The following SGCZ variants were observed in gnomAD, a reference collection of about 807,000 sequenced individuals.
SGCZ encodes the protein zeta-sarcoglycan.
In SGCZ, 40 loss-of-function variants were observed where a neutral mutation model predicts 41.3. The ratio of observed to expected loss-of-function variants is 0.97; its 90% CI spans 0.75 to 1.26. SGCZ has a LOEUF of 1.26. Ranked by LOEUF, SGCZ falls within the 50% of genes most tolerant of loss-of-function variation. The probability of loss-of-function intolerance (pLI) is 0.00; values close to 1 mark genes in which losing one functional copy is unlikely to be tolerated. For missense variants in SGCZ, 552 were observed against 369.8 expected (o/e 1.49, Z -4.04); for synonymous variants, 206 against 137.5 (o/e 1.50, Z -3.49).
At chr8:14,605,217 C>T (rs536093931) in intron 1 of SGCZ, among the ~76,000 whole-genome samples, 3 of 152,128 alleles carry the variant, frequency 2.0e-5, no homozygotes, top group Admixed American at 1.3e-4. Context: ...TTAAAAATTA[C>T]GTCTAGTACA....
chr8:14,671,090 G>A (rs1195949530), intron 1 of SGCZ, among the ~76,000 whole-genome samples: 4 of 152,174 alleles, frequency 2.6e-5, no homozygotes, highest in Non-Finnish European at 1.5e-5. Flanking sequence ...CAGTGTCTCT[G>A]GATTTATATA....
chr8:15,230,449 T>C (rs1801907955), intron 1 of SGCZ, among the ~76,000 whole-genome samples: 1 of 152,208 alleles, frequency 6.6e-6, no homozygotes, highest in African/African-American at 2.4e-5. Context: ...TTTCACTTGA[T>C]TTTTCTGAGT....
intron 1 of SGCZ, among the ~76,000 whole-genome samples, chr8:14,775,131 C>T (rs2130411612): frequency 2.0e-5 from 3 of 152,280 alleles, no homozygotes; most frequent in Middle Eastern, 3.4e-3. Context: ...CTAGTTACAA[C>T]TTCAGCTAGG....
intron 1 of SGCZ, among the ~76,000 whole-genome samples, chr8:14,729,949 G>C (rs568523407): frequency 6.6e-6 from 1 of 152,220 alleles, no homozygotes; most frequent in Admixed American, 6.5e-5. Context: ...GCCGGGCATG[G>C]TAGGACAGTC....
chr8:14,995,123 G>T (rs1327968883), intron 1 of SGCZ, among the ~76,000 whole-genome samples: 1 of 152,242 alleles, frequency 6.6e-6, no homozygotes, highest in Non-Finnish European at 1.5e-5. Context: ...TAAAGGGAGT[G>T]CCATCAGAGG....
intron 1 of SGCZ, among the ~76,000 whole-genome samples, chr8:14,656,653 C>T (rs1296024859): frequency 6.7e-6 from 1 of 149,624 alleles, no homozygotes; most frequent in Non-Finnish European, 1.5e-5. Context: ...CCTCTCCTTT[C>T]ATTTCCCTTT....
chr8:15,094,401 C>T (rs1806259989), intron 1 of SGCZ, among the ~76,000 whole-genome samples: 1 of 152,140 alleles, frequency 6.6e-6, no homozygotes, highest in African/African-American at 2.4e-5. Context: ...TCCCAAAGTG[C>T]TGGAGTTACA....
At chr8:14,205,245 T>C (rs551876391) in intron 4 of SGCZ, among the ~76,000 whole-genome samples, 3 of 152,202 alleles carry the variant, frequency 2.0e-5, no homozygotes, top group Non-Finnish European at 2.9e-5. Context: ...AAAGATTCTC[T>C]GGAGACATCA....
chr8:14,561,489 T>C (rs943755846), intron 1 of SGCZ, among the ~76,000 whole-genome samples: 1 of 152,124 alleles, frequency 6.6e-6, no homozygotes. Flanking sequence ...TTCAATGCCC[T>C]CAAAATCTGT....
chr8:14,626,456 C>A (rs921178924), intron 1 of SGCZ, among the ~76,000 whole-genome samples: 13 of 152,040 alleles, frequency 8.6e-5, no homozygotes, highest in African/African-American at 2.7e-4. Flanking sequence ...AATATTTGAA[C>A]TTTGTCTCTT....
intron 5 of SGCZ, among the ~76,000 whole-genome samples, chr8:14,142,493 G>C (rs115815888): frequency 6.6e-6 from 1 of 152,048 alleles, no homozygotes; most frequent in South Asian, 2.1e-4. Context: ...GGCCCATTTA[G>C]GCACTTTATG....
At chr8:15,217,805 C>G (rs1446231294) in intron 1 of SGCZ, among the ~76,000 whole-genome samples, 2 of 152,124 alleles carry the variant, frequency 1.3e-5, no homozygotes, top group African/African-American at 4.8e-5. Context: ...AACTAGGGCT[C>G]TGGCTGTGCG....
intron 1 of SGCZ, among the ~76,000 whole-genome samples, chr8:15,090,069 T>TGG (rs1806099615): frequency 6.6e-6 from 1 of 152,254 alleles, no homozygotes; most frequent in South Asian, 2.1e-4. Flanking sequence ...GTCAACATAT[T>TGG]CTTTTTGCCA....
rs1011171759 is a variant in SGCZ at position 14,877,239 on chromosome 8, T to C, written c.40-322313A>G. On this transcript the variant is annotated intron_variant, in intron 1 of 7. Coordinates refer to ENST00000382080, the MANE Select transcript of SGCZ (RefSeq NM_139167.4). ...CGCCAGCCTTAGCCTCTCAAAGTGC[T>C]GGGATTACCAAGTGTGAGCCACCAC... Among the ~76,000 whole-genome samples the C allele has an allele frequency of 8.5e-5, 13 of 152,308 alleles. No individual in the cohort carries two copies. The East Asian group carries it at 1.9e-3, about 23-fold the overall frequency.
chr8:14,621,634 T>G (rs1275604776), intron 1 of SGCZ, among the ~76,000 whole-genome samples: 2 of 152,004 alleles, frequency 1.3e-5, no homozygotes, highest in Non-Finnish European at 1.5e-5. Context: ...GGCTTATACA[T>G]CTTCACAATG....
At chr8:14,210,786 T>TA (rs1393275151) in intron 4 of SGCZ, among the ~76,000 whole-genome samples, 7 of 152,254 alleles carry the variant, frequency 4.6e-5, no homozygotes, top group Admixed American at 2.0e-4. Context: ...CTAATTTATT[T>TA]AAAAAAATAT....
intron 2 of SGCZ, among the ~76,000 whole-genome samples, chr8:14,466,852 G>C (rs898747603): frequency 2.6e-5 from 4 of 151,500 alleles, no homozygotes; most frequent in African/African-American, 9.7e-5. Flanking sequence ...TTTATACATT[G>C]TTTTCTTGAT....
chr8:14,298,767 T>C (rs1801097680), intron 3 of SGCZ, among the ~76,000 whole-genome samples: 1 of 152,040 alleles, frequency 6.6e-6, no homozygotes, highest in South Asian at 2.1e-4. Context: ...TTCCCACAAA[T>C]TGACCAATGG....
At chr8:14,813,510 T>A (rs1217338706) in intron 1 of SGCZ, among the ~76,000 whole-genome samples, 4 of 152,176 alleles carry the variant, frequency 2.6e-5, no homozygotes, top group Non-Finnish European at 4.4e-5. Flanking sequence ...TTCAATAAAA[T>A]GAAGTCAAAT....
Sources: gnomAD v4.1 joint callset for allele counts (sites outside exome capture counted in the v4.1 genomes callset) on GRCh38, gnomAD v4.1.1 for gene constraint, MANE v1.5 for transcripts, NCBI Gene and HGNC (gene_info 2026-07-23, HGNC 2026-07-21) for gene names.